The following INPP1 variants were observed in gnomAD, a reference collection of about 807,000 sequenced individuals.
INPP1 encodes the protein inositol polyphosphate 1-phosphatase.
In INPP1, 18 loss-of-function variants were observed where a neutral mutation model predicts 23.0. The ratio of observed to expected loss-of-function variants is 0.78; its 90% CI spans 0.54 to 1.16. INPP1 has a LOEUF of 1.16. Among genes scored for constraint, INPP1 ranks in the 50% most tolerant of loss-of-function variants. INPP1 has a pLI of 0.00. For synonymous variants in INPP1, 164 were observed against 176.3 expected (o/e 0.93, Z 0.55); for missense variants, 448 against 482.1 (o/e 0.93, Z 0.66).
rs1215116854 is a variant in INPP1, at chr2:190,356,229, A to G, written c.-64-3810A>G. On this transcript the variant is annotated intron_variant, in intron 2 of 6. Coordinates refer to ENST00000392329, the MANE Select transcript of INPP1 (RefSeq NM_001128928.2). The surrounding 1 kb of genome is among the most constrained non-coding windows in gnomAD (Gnocchi z 6.4). ...AGCATGGCTGGTGAAAGTGGTTTCA[A>G]TCTGAAACTGGGCAGTTCAACCTGG... Among the ~76,000 whole-genome samples the G allele has an allele frequency of 6.6e-6, 1 of 152,338 alleles. No individual in the cohort carries two copies. Among genetic ancestry groups the G allele is most frequent in the Non-Finnish European group, 1.5e-5 (1 of 68,022 alleles).
intron 1 of INPP1, chr2:190,344,227 C>A (rs570267810): frequency 9.7e-4 from 150 of 154,854 alleles, no homozygotes; most frequent in Middle Eastern, 3.4e-3. Context: ...TCGTGAGTCC[C>A]GCGGCGCCCT....
chr2:190,364,018 T>C (rs532473291), intron 4 of INPP1, among the ~76,000 whole-genome samples: 5 of 152,212 alleles, frequency 3.3e-5, no homozygotes, highest in Non-Finnish European at 7.3e-5. Flanking sequence ...TGATATAATT[T>C]CTTCCTTTGA....
At chr2:190,366,354 G>GCT (rs1689670515) in intron 4 of INPP1, among the ~76,000 whole-genome samples, 4 of 121,064 alleles carry the variant, frequency 3.3e-5, no homozygotes, top group Non-Finnish European at 5.2e-5. Flanking sequence ...TCTCTTGCTT[G>GCT]CTCTGTCTCA....
rs1029844368 is a variant in INPP1 at position 190,352,827 on chromosome 2, T to C, written c.-65+3796T>C. On this transcript the variant is annotated intron_variant, in intron 2 of 6. Transcript: ENST00000392329. This position sits in a 1 kb window ranked among gnomAD's most constrained non-coding sequence, Gnocchi z 4.7. ...GGAAAAGGTCATGAGAAACACCTTC[T>C]TGTAAAACACCCAGATATTTCACGG... Among the ~76,000 whole-genome samples, 3 of 152,204 alleles carry C rather than the reference T, an allele frequency of 2.0e-5. No individual in the cohort carries two copies. The highest frequency in any genetic ancestry group is 7.2e-5 in the African/African-American group (3 of 41,458).
At position 190,343,957 on chromosome 2, in the gene INPP1, C is replaced by A; in HGVS notation, c.-213C>A. 8.2e-6 allele frequency: 2 copies of A among 242,612 alleles called. No homozygotes were observed. 15.0% of individuals were successfully genotyped at this position (242,612 alleles called of 1,614,324 possible). On this transcript the variant is annotated 5_prime_UTR_variant, in exon 1 of 7. Coordinates refer to ENST00000392329, the MANE Select transcript of INPP1 (RefSeq NM_001128928.2). ...CCTCCTGCTCTGTCCTCATCCCCGG[C>A]TTAGGTAACACGTTTTCCTCCTTAC...
chr2:190,348,175 G>A (rs547579870), intron 1 of INPP1, among the ~76,000 whole-genome samples: 57 of 152,094 alleles, frequency 3.7e-4, no homozygotes, highest in South Asian at 1.5e-3. Context: ...AAACACCGGT[G>A]TGGTTGCTGT....
At chr2:190,349,381 G>A (rs1013551444) in intron 2 of INPP1, among the ~76,000 whole-genome samples, 2 of 152,194 alleles carry the variant, frequency 1.3e-5, no homozygotes, top group Non-Finnish European at 2.9e-5. Context: ...AGGTTGCAGT[G>A]AGCTGATACT....
chr2:190,368,948 A>C lies in INPP1; in HGVS notation c.467-155A>C. On this transcript the variant is annotated intron_variant, in intron 5 of 6. Coordinates refer to ENST00000392329, the MANE Select transcript of INPP1 (RefSeq NM_001128928.2). The surrounding 1 kb of genome is among the most constrained non-coding windows in gnomAD (Gnocchi z 4.3). ...GAAAATGAAACACAAGCAATTTAAA[A>C]GTAAAGTACAAGAGGCCAAATAACA... 2.3e-6 allele frequency: 1 copy of C among 433,238 alleles called. No homozygotes were observed. The highest frequency in any genetic ancestry group is 4.1e-6 in the Non-Finnish European group (1 of 245,566). The allele number at this position is 433,238 out of a possible 1,614,324, so 26.8% of individuals were successfully genotyped here.
chr2:190,365,724 G>A (rs569504059), intron 4 of INPP1, among the ~76,000 whole-genome samples: 8 of 152,334 alleles, frequency 5.3e-5, no homozygotes, highest in African/African-American at 1.9e-4. Flanking sequence ...CTGCTGGGAT[G>A]GATATATTGC....
At position 190,368,913 on chromosome 2, in the gene INPP1, TCA is replaced by T; in HGVS notation, c.467-187_467-186del. The T allele has an allele frequency of 2.5e-6, 1 of 406,866 alleles. No homozygotes were observed. The highest frequency in any genetic ancestry group is 4.4e-6 in the Non-Finnish European group (1 of 228,122). 25.2% of individuals were successfully genotyped at this position (406,866 alleles called of 1,614,324 possible). Reference sequence around the variant, plus strand: ...ACACATCCTCTCCCTTCAAGAGTTCTCACAGTCAGGAAAATGAAACACAAGCA... The same window carrying T: ...ACACATCCTCTCCCTTCAAGAGTTCTCAGTCAGGAAAATGAAACACAAGCA... On this transcript the variant is annotated intron_variant, in intron 5 of 6. Transcript: ENST00000392329. The surrounding 1 kb of genome is among the most constrained non-coding windows in gnomAD (Gnocchi z 4.3).
intron 4 of INPP1, 78 bp downstream of exon 4, chr2:190,362,765 T>C: frequency 2.1e-6 from 2 of 949,442 alleles, no homozygotes; most frequent in Admixed American, 2.5e-5. Flanking sequence ...TACCATGAAC[T>C]AAATGTTTGG....
At position 190,368,113 on chromosome 2, in the gene INPP1, A is replaced by C. The variant is rs897810039; in HGVS notation, c.467-990A>C. On this transcript the variant is annotated intron_variant, in intron 5 of 6. Transcript: ENST00000392329. The surrounding 1 kb of genome is among the most constrained non-coding windows in gnomAD (Gnocchi z 4.3). ...ATATGGAAACTAAAAACCTTTCCCC[A>C]AATCTTTGATCATTTAAGGGTAAAT... Among the ~76,000 whole-genome samples, 31 of 152,186 alleles carry C rather than the reference A, an allele frequency of 2.0e-4. No homozygotes were observed. The highest frequency in any genetic ancestry group is 7.0e-4 in the African/African-American group (29 of 41,446).
At chr2:190,364,604 T>TG (rs1266075863) in intron 4 of INPP1, among the ~76,000 whole-genome samples, 5 of 112,158 alleles carry the variant, frequency 4.5e-5, no homozygotes, top group Non-Finnish European at 7.2e-5. Flanking sequence ...TTTTTTTTTT[T>TG]TTGTTAGATG....
intron 5 of INPP1, 83 bp downstream of exon 5, chr2:190,366,978 AATT>A: frequency 3.6e-6 from 3 of 842,908 alleles, no homozygotes; most frequent in Non-Finnish European, 5.8e-6. Flanking sequence ...GAAAAATAAA[AATT>A]ATTGAGTGTA....
intron 4 of INPP1, among the ~76,000 whole-genome samples, chr2:190,364,590 ATT>A (rs1157989437): frequency 3.9e-5 from 2 of 50,938 alleles, no homozygotes. Context: ...TGAGGTTCTG[ATT>A]TTTTTTTTTT....
chr2:190,354,548 T>C lies in INPP1; in HGVS notation c.-64-5491T>C, dbSNP rs1209204230. 6.6e-6 allele frequency among the ~76,000 whole-genome samples: 1 copy of C among 152,076 alleles called. No individual in the cohort carries two copies. Among genetic ancestry groups the C allele is most frequent in the Non-Finnish European group, 1.5e-5 (1 of 68,018 alleles). ...ACATGCCAGAGATTAACGCCCACGA[T>C]GGAAAGGCCAGGTGAGGCCACAATG... is the stretch of plus-strand genomic sequence containing the variant. On this transcript the variant is annotated intron_variant, in intron 2 of 6. Transcript: ENST00000392329. The surrounding 1 kb of genome is among the most constrained non-coding windows in gnomAD (Gnocchi z 4.8).
intron 4 of INPP1, among the ~76,000 whole-genome samples, chr2:190,364,108 A>T (rs141547975): frequency 2.0e-5 from 3 of 152,280 alleles, no homozygotes; most frequent in African/African-American, 7.2e-5. Context: ...CCCAACTTTA[A>T]CAGTCTAATT....
chr2:190,358,072 A>ATTTTTTTTTTT (rs749071988), intron 2 of INPP1, among the ~76,000 whole-genome samples: 1 of 111,400 alleles, frequency 9.0e-6, no homozygotes, highest in Non-Finnish European at 1.8e-5. Flanking sequence ...CATTAAGGGA[A>ATTTTTTTTTTT]TTTTTTTTTT....
rs1689743411 is a variant in INPP1 at position 190,368,954 on chromosome 2, G to A, written c.467-149G>A. ...GAAACACAAGCAATTTAAAAGTAAA[G>A]TACAAGAGGCCAAATAACAATTCAA... On this transcript the variant is annotated intron_variant, in intron 5 of 6. Transcript: ENST00000392329. The surrounding 1 kb of genome is among the most constrained non-coding windows in gnomAD (Gnocchi z 4.3). 1 of 456,120 alleles carries A rather than the reference G, an allele frequency of 2.2e-6. No homozygotes were observed. The highest frequency in any genetic ancestry group is 3.3e-5 in the East Asian group (1 of 30,484). The allele number at this position is 456,120 out of a possible 1,614,324, so 28.3% of individuals were successfully genotyped here. A position where few individuals can be genotyped will look rare whatever the true frequency, so the allele number is the denominator to read the frequency against.
Sources: gnomAD v4.1 joint callset for allele counts (sites outside exome capture counted in the v4.1 genomes callset) on GRCh38, gnomAD v4.1.1 for gene constraint, Gnocchi (gnomAD v3.1) non-coding constraint, MANE v1.5 for transcripts, NCBI Gene and HGNC (gene_info 2026-07-23, HGNC 2026-07-21) for gene names.